CIB1: variants seen among roughly 807,000 people sequenced by gnomAD.
The protein encoded by CIB1 is calcium and integrin-binding protein 1.
CIB1 carries 19 observed loss-of-function variants against 25.0 expected under a neutral mutation model. The observed-to-expected ratio is 0.76, with a 90% CI of 0.53 to 1.12. The LOEUF is 1.12. Ranked by LOEUF, CIB1 falls within the 50% of genes most tolerant of loss-of-function variation. The pLI is 0.00. For missense variants in CIB1, 236 were observed against 242.6 expected (o/e 0.97, Z 0.18); for synonymous variants, 104 against 98.5 (o/e 1.06, Z -0.33).
chr15:90,247,813 G>T, the CIB1 span, among the ~76,000 whole-genome samples: 1 of 149,340 alleles, frequency 6.7e-6, no homozygotes, highest in South Asian at 2.1e-4. Flanking sequence ...TCCGTTCACT[G>T]CAAGCTCCGG....
chr15:90,255,703 G>C, the CIB1 span: 1 of 1,613,040 alleles, frequency 6.2e-7, no homozygotes, highest in African/African-American at 1.3e-5. Flanking sequence ...ATGCCCAGGT[G>C]CTAGGAAATG....
At chr15:90,251,280 A>ATTTT in the CIB1 span, among the ~76,000 whole-genome samples, 24 of 109,502 alleles carry the variant, frequency 2.2e-4, 1 homozygote, top group African/African-American at 6.1e-4. Flanking sequence ...CGCATGGCAA[A>ATTTT]TTTTTTTTTT....
At chr15:90,246,128 C>T in the CIB1 span, among the ~76,000 whole-genome samples, 434 of 152,232 alleles carry the variant, frequency 2.9e-3, 5 homozygotes, top group African/African-American at 0.01. Flanking sequence ...CAAAAATTAA[C>T]CGGGCATGGT....
chr15:90,233,948 G>A (rs911284413), upstream of CIB1: 6 of 1,429,842 alleles, frequency 4.2e-6, no homozygotes, highest in African/African-American at 2.9e-5. Context: ...TCTCACTTCC[G>A]CCCTTGGGCC....
At chr15:90,250,652 A>G in the CIB1 span, 3 of 1,613,940 alleles carry the variant, frequency 1.9e-6, no homozygotes, top group African/African-American at 2.7e-5. Context: ...TACCTGTAGG[A>G]CCATGGAATC....
At chr15:90,258,843 G>A in the CIB1 span, 1 of 1,614,182 alleles carries the variant, frequency 6.2e-7, no homozygotes, top group Non-Finnish European at 8.5e-7. Context: ...CTCCGGGGCT[G>A]TGACAAAAGG....
At chr15:90,255,835 C>G in the CIB1 span, 13 of 1,614,220 alleles carry the variant, frequency 8.1e-6, no homozygotes, top group Admixed American at 1.3e-4. Context: ...TGTACAAACT[C>G]TATCCCTCTG....
chr15:90,259,157 G>A, the CIB1 span: 1 of 843,942 alleles, frequency 1.2e-6, no homozygotes, highest in Non-Finnish European at 1.7e-6. Flanking sequence ...GAGCCCTAGA[G>A]TTCAACACCA....
At chr15:90,257,855 C>T in the CIB1 span, 4 of 990,464 alleles carry the variant, frequency 4.0e-6, no homozygotes, top group South Asian at 1.6e-5. Context: ...CTGTCCTGTG[C>T]CTGCACTTTG....
At chr15:90,265,447 C>T in the CIB1 span, 1 of 1,333,828 alleles carries the variant, frequency 7.5e-7, no homozygotes, top group Non-Finnish European at 9.6e-7. Context: ...GAAACGGAAT[C>T]CGTACTTTAA....
In CIB1 at chr15:90,231,404, T is replaced by C. The variant is rs139764460; in HGVS notation, c.299A>G (p.Asp100Gly). The change falls in exon 4 of 7, where the codon GAC becomes GGC. Residue 100 changes from aspartate (D) to glycine (G), a missense_variant. Coordinates refer to ENST00000328649, the MANE Select transcript of CIB1 (RefSeq NM_006384.4). ...GGACTTGATGTCTGGCGTGGCTGTG[T>C]CACTGAACACACTGAGGAGATCCAG... ...DFLDLLSVFS[D>G]TATPDIKSHY... 38 of 1,614,220 alleles carry C rather than the reference T, an allele frequency of 2.4e-5. 1 individual carries two copies. The African/African-American group carries it at 4.0e-4, about 17-fold the overall frequency.
chr15:90,237,077 G>GCCT (rs1423083996), upstream of CIB1, among the ~76,000 whole-genome samples: 1 of 151,812 alleles, frequency 6.6e-6, no homozygotes, highest in African/African-American at 2.4e-5. Context: ...TCCTGCCTTA[G>GCCT]CCTCCCGAGT....
chr15:90,258,691 C>T, the CIB1 span: 4 of 1,506,430 alleles, frequency 2.7e-6, no homozygotes, highest in South Asian at 4.5e-5. Flanking sequence ...CAAGAGGCCA[C>T]CACCTGCTCA....
the CIB1 span, chr15:90,243,062 T>G: frequency 6.6e-6 from 1 of 152,202 alleles, no homozygotes; most frequent in Non-Finnish European, 1.5e-5. Flanking sequence ...AGTTACACAC[T>G]CCTGACTTTA....
chr15:90,257,981 T>C, the CIB1 span: 1 of 1,544,926 alleles, frequency 6.5e-7, no homozygotes, highest in Admixed American at 1.7e-5. Context: ...GCCTCCTGCC[T>C]ACAGCCTGGC....
At chr15:90,259,101 A>G in the CIB1 span, 1 of 1,405,156 alleles carries the variant, frequency 7.1e-7, no homozygotes, top group South Asian at 1.4e-5. Flanking sequence ...GGTGGCTCAT[A>G]TCTGTAATCC....
chr15:90,265,526 T>G, the CIB1 span: 1 of 1,394,976 alleles, frequency 7.2e-7, no homozygotes, highest in Non-Finnish European at 9.4e-7. Context: ...AGGGAAGCCC[T>G]CTCCACAGTT....
chr15:90,262,460 C>A, the CIB1 span: 1 of 1,448,486 alleles, frequency 6.9e-7, no homozygotes, highest in African/African-American at 1.4e-5. Context: ...AACACCATTT[C>A]TCTACTGTCT....
the CIB1 span, chr15:90,265,413 G>T: frequency 1.6e-6 from 2 of 1,271,080 alleles, no homozygotes; most frequent in East Asian, 4.0e-5. Context: ...CTGGGCAGCC[G>T]CTGGGGCGGA....
Sources: gnomAD v4.1 joint callset for allele counts (sites outside exome capture counted in the v4.1 genomes callset) on GRCh38, gnomAD v4.1.1 for gene constraint, MANE v1.5 for transcripts, NCBI Gene and HGNC (gene_info 2026-07-23, HGNC 2026-07-21) for gene names.